Variants in MORN5 observed in about 807,000 individuals in gnomAD.
The protein encoded by MORN5 is MORN repeat containing 5.
Under a neutral mutation model 22.1 loss-of-function variants are expected in MORN5, and 21 were observed. The ratio of observed to expected loss-of-function variants is 0.95; its 90% CI spans 0.67 to 1.37. MORN5 has a LOEUF of 1.37. MORN5 is among the 40% of genes most tolerant of loss of function. MORN5 has a pLI of 0.00. For synonymous variants in MORN5, 73 were observed against 74.0 expected (o/e 0.99, Z 0.07); for missense variants, 211 against 215.1 (o/e 0.98, Z 0.12).
chr9:122,193,881 C>T (rs886229258), intron 4 of MORN5, among the ~76,000 whole-genome samples: 9 of 152,118 alleles, frequency 5.9e-5, no homozygotes, highest in African/African-American at 9.7e-5. Flanking sequence ...GGGAGGGAAG[C>T]GGGGAGGGAA....
chr9:122,182,493 G>A (rs1445354111), intron 4 of MORN5, among the ~76,000 whole-genome samples: 1 of 152,256 alleles, frequency 6.6e-6, no homozygotes, highest in African/African-American at 2.4e-5. Context: ...GCTCACGCCT[G>A]TAATCCCAGC....
intron 1 of MORN5, 73 bp from the exon 2 acceptor site, chr9:122,166,695 T>G (rs1195095147): frequency 4.3e-6 from 6 of 1,401,594 alleles, no homozygotes; most frequent in Non-Finnish European, 4.0e-6. Context: ...GGGTTCCTGC[T>G]CACTCTGTTG....
At chr9:122,171,290 T>G (rs1407535607) in intron 3 of MORN5, among the ~76,000 whole-genome samples, 2 of 152,176 alleles carry the variant, frequency 1.3e-5, no homozygotes, top group African/African-American at 4.8e-5. Flanking sequence ...TCTCCTTCCC[T>G]TCCCAGCTTC....
rs754507618 is a variant in MORN5 at position 122,166,758 on chromosome 9, G to A, written c.48-10G>A. On this transcript the variant is annotated splice_polypyrimidine_tract_variant and intron_variant, in intron 1 of 4. Transcript: ENST00000373764. ...ACACAGGGCTCAGTGATTTCCCTGT[G>A]TCTTTACAGGATGGAGGGCAAAGCC... 6.2e-7 allele frequency: 1 copy of A among 1,611,478 alleles called. No individual in the cohort carries two copies. The highest frequency in any genetic ancestry group is 8.5e-7 in the Non-Finnish European group (1 of 1,178,612).
Position 122,199,955 on chromosome 9 carries a change from C to T in MORN5, c.*24C>T, listed in dbSNP as rs753585233. 54 of 1,612,204 alleles carry T rather than the reference C, an allele frequency of 3.3e-5. 1 individual carries two copies. The highest frequency in any genetic ancestry group is 2.3e-4 in the South Asian group (21 of 91,028). On this transcript the variant is annotated 3_prime_UTR_variant, in exon 5 of 5. Coordinates refer to ENST00000373764, the MANE Select transcript of MORN5 (RefSeq NM_198469.4). Reference sequence around the variant, plus strand: ...AGGATGAGATCGTGGGTCACAGGCCCGAGCCGTGAACTCTGTGGCTGCCTC... The same window carrying T: ...AGGATGAGATCGTGGGTCACAGGCCTGAGCCGTGAACTCTGTGGCTGCCTC...
At chr9:122,163,460 C>T (rs773567132) in intron 1 of MORN5, among the ~76,000 whole-genome samples, 3 of 152,168 alleles carry the variant, frequency 2.0e-5, no homozygotes, top group East Asian at 1.9e-4. Flanking sequence ...CAGTCGGAGC[C>T]GTCCTTAAAG....
At chr9:122,199,804 C>A in intron 4 of MORN5, 81 bp from the exon 5 acceptor site, 1 of 1,409,526 alleles carries the variant, frequency 7.1e-7, no homozygotes, top group Non-Finnish European at 1.0e-6. Context: ...CCAGTCCCAA[C>A]GCCCCACCTG....
At chr9:122,172,257 G>A (rs574011125) in intron 3 of MORN5, among the ~76,000 whole-genome samples, 4 of 151,324 alleles carry the variant, frequency 2.6e-5, no homozygotes, top group South Asian at 2.1e-4. Flanking sequence ...CACCATGCCC[G>A]GCCGCTTACA....
chr9:122,183,572 T>C (rs191378845), intron 4 of MORN5, among the ~76,000 whole-genome samples: 227 of 152,326 alleles, frequency 1.5e-3, no homozygotes, highest in Admixed American at 3.4e-3. Context: ...AATTAGTTTA[T>C]GTAAAAGCTG....
chr9:122,174,484 T>C lies in MORN5; in HGVS notation c.308-12T>C, dbSNP rs780676449. On this transcript the variant is annotated splice_polypyrimidine_tract_variant and intron_variant, in intron 3 of 4. Transcript: ENST00000373764. ...TTCATGGTGAACTAATTGCCCATTATGTTCTTTCAAGGTATGGCTCAACTC... is the reference window on the plus strand; with the variant it reads ...TTCATGGTGAACTAATTGCCCATTACGTTCTTTCAAGGTATGGCTCAACTC... 6 of 1,613,348 alleles carry C rather than the reference T, an allele frequency of 3.7e-6. No individual in the cohort carries two copies. Among genetic ancestry groups the C allele is most frequent in the South Asian group, 1.1e-5 (1 of 91,034 alleles).
chr9:122,190,219 C>A (rs1466381394), intron 4 of MORN5, among the ~76,000 whole-genome samples: 1 of 152,238 alleles, frequency 6.6e-6, no homozygotes, highest in East Asian at 1.9e-4. Context: ...AGGGATAGTC[C>A]TAAATCCAGC....
At chr9:122,171,505 A>G (rs2118751119) in intron 3 of MORN5, among the ~76,000 whole-genome samples, 1 of 152,102 alleles carries the variant, frequency 6.6e-6, no homozygotes, top group Non-Finnish European at 1.5e-5. Flanking sequence ...CTCTTCCTGA[A>G]CAAGTTGATA....
At chr9:122,175,858 T>C (rs932990718) in intron 4 of MORN5, among the ~76,000 whole-genome samples, 2 of 152,112 alleles carry the variant, frequency 1.3e-5, no homozygotes, top group Admixed American at 6.5e-5. Context: ...CTCATGCCTG[T>C]AATCCCAGCA....
At chr9:122,185,115 G>C (rs920583754) in intron 4 of MORN5, among the ~76,000 whole-genome samples, 4 of 152,172 alleles carry the variant, frequency 2.6e-5, no homozygotes, top group Admixed American at 2.0e-4. Flanking sequence ...GGGTGCAGTG[G>C]CACAATCTCG....
At chr9:122,178,592 A>G (rs973620799) in intron 4 of MORN5, among the ~76,000 whole-genome samples, 8 of 152,212 alleles carry the variant, frequency 5.3e-5, no homozygotes, top group African/African-American at 1.7e-4. Context: ...AAACTGTATC[A>G]CTACTATAGT....
At chr9:122,181,731 A>G (rs1210822139) in intron 4 of MORN5, among the ~76,000 whole-genome samples, 1 of 152,194 alleles carries the variant, frequency 6.6e-6, no homozygotes, top group Non-Finnish European at 1.5e-5. Context: ...CTCTGTGATC[A>G]TGAATAGGTT....
At chr9:122,196,335 ATTT>A (rs35655121) in intron 4 of MORN5, among the ~76,000 whole-genome samples, 172 of 136,418 alleles carry the variant, frequency 1.3e-3, no homozygotes, top group African/African-American at 4.5e-3. Context: ...AAAGCCAATA[ATTT>A]TTTTTTTTTT....
chr9:122,167,304 C>G (rs1192452164), intron 2 of MORN5, among the ~76,000 whole-genome samples: 1 of 149,784 alleles, frequency 6.7e-6, no homozygotes, highest in African/African-American at 2.4e-5. Context: ...CCTTGGCCTC[C>G]CAAAGTGCTG....
intron 1 of MORN5, 82 bp downstream of exon 1, chr9:122,160,101 C>A (rs562873531): frequency 1.5e-6 from 2 of 1,310,612 alleles, no homozygotes; most frequent in Non-Finnish European, 2.1e-6. Flanking sequence ...TGCGAAACAC[C>A]TTGTGCCAGG....
Sources: gnomAD v4.1 joint callset for allele counts (sites outside exome capture counted in the v4.1 genomes callset) on GRCh38, gnomAD v4.1.1 for gene constraint, MANE v1.5 for transcripts, NCBI Gene and HGNC (gene_info 2026-07-23, HGNC 2026-07-21) for gene names.